Variants in LRRK2 observed in about 807,000 individuals in gnomAD.
LRRK2 encodes leucine-rich repeat serine/threonine-protein kinase 2.
LRRK2 carries 203 observed loss-of-function variants against 302.6 expected under a neutral mutation model. The observed-to-expected ratio is 0.67, with a 90% CI of 0.60 to 0.75. LRRK2 has a LOEUF of 0.75. Among genes scored for constraint, LRRK2 ranks in the 30% least tolerant of loss-of-function variants. LRRK2 has a pLI of 0.00. For synonymous variants in LRRK2, 1,066 were observed against 1,031.9 expected, an observed-to-expected ratio of 1.03 and a Z score of -0.63; for missense variants, 2,830 against 2,951.0, an observed-to-expected ratio of 0.96 and a Z score of 0.95.
intron 13 of LRRK2, 58 bp from the exon 14 acceptor site, chr12:40,263,731 G>A: frequency 8.1e-7 from 1 of 1,229,192 alleles, no homozygotes; most frequent in Non-Finnish European, 1.2e-6. Flanking sequence ...GTAACAGTCT[G>A]TTCAACTCAA....
At chr12:40,257,862 T>A (rs546241554) in intron 12 of LRRK2, among the ~76,000 whole-genome samples, 15 of 150,076 alleles carry the variant, frequency 1.0e-4, no homozygotes, top group African/African-American at 3.7e-4. Context: ...ATTATATAGC[T>A]GGCGGTTAGT....
intron 23 of LRRK2, among the ~76,000 whole-genome samples, chr12:40,295,901 A>C (rs1344250182): frequency 6.6e-6 from 1 of 152,162 alleles, no homozygotes; most frequent in Non-Finnish European, 1.5e-5. Flanking sequence ...AAAGTCTGTC[A>C]AGTGTATATT....
intron 44 of LRRK2, among the ~76,000 whole-genome samples, chr12:40,353,992 G>A (rs909399695): frequency 6.6e-6 from 1 of 152,158 alleles, no homozygotes; most frequent in Non-Finnish European, 1.5e-5. Flanking sequence ...GGGAGAGGGA[G>A]ACCATGGGGA....
intron 25 of LRRK2, 47 bp downstream of exon 25, chr12:40,299,304 T>C (rs1174484392): frequency 1.2e-6 from 2 of 1,602,424 alleles, no homozygotes; most frequent in Non-Finnish European, 1.7e-6. Flanking sequence ...CTCTAAGTTG[T>C]ACAAGATGAG....
In LRRK2 at chr12:40,275,011, G is replaced by A; in HGVS notation, c.1941+18G>A. On this transcript the variant is annotated intron_variant, in intron 16 of 50. Coordinates refer to ENST00000298910, the MANE Select transcript of LRRK2 (RefSeq NM_198578.4). The stretch of plus-strand genomic sequence containing the variant: ...AGACTAAAGTATGTGCATTATCTTG[G>A]AAAGAATTTGGGAACTTGTGCGAAT... The A allele has an allele frequency of 6.2e-7, 1 of 1,613,544 alleles. No homozygotes were observed. Among genetic ancestry groups the A allele is most frequent in the South Asian group, 1.1e-5 (1 of 91,004 alleles).
chr12:40,287,509 T>C lies in LRRK2; in HGVS notation c.2659T>C (p.Phe887Leu), dbSNP rs1943975860. ...TCCTGACTCTTCTATGGACAGTGTG[T>C]TTGCTCAAAGTGATGACCTGGATAG... ...FIPDSSMDSV[F>L]AQSDDLDSEG... The change falls in exon 20 of 51, where the codon TTT becomes CTT. Residue 887 changes from phenylalanine (F) to leucine (L), a missense_variant. Transcript: ENST00000298910. 1 of 1,612,502 alleles carries C rather than the reference T, an allele frequency of 6.2e-7. No individual in the cohort carries two copies. The highest frequency in any genetic ancestry group is 1.3e-5 in the African/African-American group (1 of 74,806).
chr12:40,266,536 A>G (rs1451221457), intron 14 of LRRK2, among the ~76,000 whole-genome samples: 13 of 152,098 alleles, frequency 8.5e-5, no homozygotes, highest in Admixed American at 7.9e-4. Context: ...AAATAGGAAC[A>G]CTTTTACACT....
Position 40,235,644 on chromosome 12 carries a change from A to G in LRRK2, c.366A>G (p.Leu122=). Residue 122 remains leucine (L), a synonymous_variant, in exon 4 of 51, where the codon CTA becomes CTG. Coordinates refer to ENST00000298910, the MANE Select transcript of LRRK2 (RefSeq NM_198578.4). ...LGVHQLILKM[L]TVHNASVNLS... ...ACTCCAGATTGATTCTTAAAATGCT[A>G]ACAGTTCATAATGCCAGTGTAAACT... 6.2e-7 allele frequency: 1 copy of G among 1,605,740 alleles called. No individual in the cohort carries two copies. The highest frequency in any genetic ancestry group is 1.7e-5 in the Admixed American group (1 of 60,024).
intron 24 of LRRK2, among the ~76,000 whole-genome samples, 159 bp from the exon 25 acceptor site, chr12:40,298,950 A>G (rs1403060436): frequency 6.9e-6 from 1 of 144,494 alleles, no homozygotes; most frequent in African/African-American, 2.5e-5. Flanking sequence ...GGCAATGAAT[A>G]TTACAACTTT....
Position 40,304,106 on chromosome 12 carries a change from T to C in LRRK2, c.3749T>C (p.Leu1250Pro). The change falls in exon 27 of 51, where the codon CTG (leucine) becomes CCG (proline). Residue 1250 changes from leucine (L) to proline (P), a missense_variant. Physicochemically the swap from Leu to Pro is moderately conservative, Grantham distance 98 (BLOSUM62 -3). Transcript: ENST00000298910. ...KAYLWSRVEK[L>P]HLSHNKLKEI... The stretch of plus-strand genomic sequence containing the variant: ...TATTTATGGTCTAGAGTAGAGAAAC[T>C]GCATCTTTCTCACAATAAACTGAAA... The C allele has an allele frequency of 6.2e-7, 1 of 1,613,212 alleles. No homozygotes were observed. Among genetic ancestry groups the C allele is most frequent in the Non-Finnish European group, 8.5e-7 (1 of 1,179,542 alleles).
Position 40,314,120 on chromosome 12 carries a change from T to C in LRRK2, c.4685T>C (p.Leu1562Pro), listed in dbSNP as rs764484413. Residue 1562 changes from leucine (L) to proline (P), a missense_variant, in exon 32 of 51, where the codon CTG (leucine) becomes CCG (proline). Around this residue, in one of 3 missense-constraint regions of LRRK2, gnomAD observed 2,121 missense variants for 2,148.0 expected, o/e 0.99. Transcript: ENST00000298910. ...RLLQLVRENQ[L>P]QLDENELPHA... ...TTACAACTAGTGAGAGAAAATCAGCTGCAGTTAGATGAAAATGAGCTTCCT... is the reference window on the plus strand; with the variant it reads ...TTACAACTAGTGAGAGAAAATCAGCCGCAGTTAGATGAAAATGAGCTTCCT... 1 of 1,612,712 alleles carries C rather than the reference T, an allele frequency of 6.2e-7. No individual in the cohort carries two copies. The highest frequency in any genetic ancestry group is 2.2e-5 in the East Asian group (1 of 44,826).
At chr12:40,345,622 C>CA (rs144415226) in intron 41 of LRRK2, among the ~76,000 whole-genome samples, 6,642 of 67,426 alleles carry the variant, frequency 0.099, 751 homozygotes, top group South Asian at 0.13. Flanking sequence ...GACTCCATCT[C>CA]AAAAAAAAAA....
At chr12:40,231,393 A>C (rs1941179018) in intron 2 of LRRK2, among the ~76,000 whole-genome samples, 1 of 148,738 alleles carries the variant, frequency 6.7e-6, no homozygotes, top group Admixed American at 6.7e-5. Context: ...GTCTTCACAA[A>C]AAAAAAAAAA....
intron 32 of LRRK2, among the ~76,000 whole-genome samples, chr12:40,314,792 G>A (rs1945160730): frequency 6.6e-6 from 1 of 151,992 alleles, no homozygotes; most frequent in Admixed American, 6.6e-5. Context: ...AGATTCTGTT[G>A]TATAAAAAAT....
intron 26 of LRRK2, 51 bp from the exon 27 acceptor site, chr12:40,303,897 G>A: frequency 6.5e-7 from 1 of 1,539,368 alleles, no homozygotes; most frequent in Non-Finnish European, 9.0e-7. Flanking sequence ...GTTATTTCAT[G>A]TATTTTGGAA....
At chr12:40,249,991 A>G (rs879303664) in intron 8 of LRRK2, 46 bp downstream of exon 8, 2 of 1,606,846 alleles carry the variant, frequency 1.2e-6, no homozygotes, top group South Asian at 1.1e-5. Flanking sequence ...GGCATTTGAC[A>G]TCAAATATGA....
intron 39 of LRRK2, among the ~76,000 whole-genome samples, chr12:40,329,325 A>G (rs1449183030): frequency 6.6e-6 from 1 of 152,216 alleles, no homozygotes; most frequent in East Asian, 1.9e-4. Context: ...CCAACTCTAG[A>G]CAGCATGGAC....
intron 25 of LRRK2, among the ~76,000 whole-genome samples, chr12:40,300,578 A>G (rs1944586105): frequency 6.6e-6 from 1 of 152,190 alleles, no homozygotes; most frequent in African/African-American, 2.4e-5. Context: ...TAATTTGGAT[A>G]GTATTTTCCT....
intron 48 of LRRK2, 46 bp from the exon 49 acceptor site, chr12:40,364,796 C>T (rs1946826557): frequency 1.5e-6 from 2 of 1,359,756 alleles, no homozygotes; most frequent in African/African-American, 1.5e-5. Flanking sequence ...TAGCATTTAT[C>T]TCTTAATTGG....
Sources: allele counts gnomAD v4.1 joint callset (sites outside exome capture counted in the v4.1 genomes callset), GRCh38; gene constraint gnomAD v4.1.1; regional missense constraint gnomAD v4.1.1; transcripts MANE v1.5; gene names NCBI Gene and HGNC (gene_info 2026-07-23, HGNC 2026-07-21).